GPC5: variants seen among roughly 807,000 people sequenced by gnomAD.
The protein encoded by GPC5 is glypican 5, also known as glypican-5.
In GPC5, 47 loss-of-function variants were observed where a neutral mutation model predicts 53.9. The observed-to-expected ratio is 0.87, with a 90% confidence interval of 0.69 to 1.11. The LOEUF is 1.11. Ranked by LOEUF, GPC5 falls within the 50% of genes most tolerant of loss-of-function variation. The pLI is 0.00. For missense variants in GPC5, 748 were observed against 713.1 expected (o/e 1.05, Z -0.56); for synonymous variants, 286 against 263.3 (o/e 1.09, Z -0.84).
At chr13:91,440,383 A>G (rs1368872485) in intron 1 of GPC5, among the ~76,000 whole-genome samples, 1 of 152,080 alleles carries the variant, frequency 6.6e-6, no homozygotes, top group Non-Finnish European at 1.5e-5. Flanking sequence ...TGTCAACTCT[A>G]CTCAGCTTTC....
intron 5 of GPC5, among the ~76,000 whole-genome samples, chr13:91,805,222 C>A (rs1339862947): frequency 2.6e-5 from 4 of 152,102 alleles, no homozygotes; most frequent in Non-Finnish European, 5.9e-5. Context: ...CAAGTTCCAC[C>A]CTCTACCCCT....
intron 2 of GPC5, among the ~76,000 whole-genome samples, chr13:91,450,797 C>A (rs1741595466): frequency 6.6e-6 from 1 of 151,984 alleles, no homozygotes; most frequent in Admixed American, 6.6e-5. Context: ...ATTATAATTT[C>A]TTCCTTAGTA....
chr13:91,399,411 GC>G (rs1490687097), intron 1 of GPC5, among the ~76,000 whole-genome samples: 1 of 152,178 alleles, frequency 6.6e-6, no homozygotes, highest in Non-Finnish European at 1.5e-5. Context: ...CCCTAACCAA[GC>G]CTGCGACGAA....
At chr13:91,432,217 G>C (rs1328767928) in intron 1 of GPC5, among the ~76,000 whole-genome samples, 31 of 143,498 alleles carry the variant, frequency 2.2e-4, no homozygotes, top group South Asian at 4.6e-4. Flanking sequence ...GTGTGTGTGT[G>C]TGTGTGTGTG....
At chr13:91,921,681 C>T (rs1182322758) in intron 6 of GPC5, among the ~76,000 whole-genome samples, 1 of 151,592 alleles carries the variant, frequency 6.6e-6, no homozygotes, top group Admixed American at 6.6e-5. Context: ...TGGGGTGGCT[C>T]ATGTCTATAA....
At position 92,360,673 on chromosome 13, in the gene GPC5, A is replaced by G. The variant is rs80209168; in HGVS notation, c.1561+215684A>G. The stretch of plus-strand genomic sequence containing the variant: ...AAAAAAATGGCATCCAAGAAGGAAG[A>G]GAGAAAGTCAAACCATCCTTGTTTG... On this transcript the variant is annotated intron_variant, in intron 7 of 7. Coordinates refer to ENST00000377067, the MANE Select transcript of GPC5 (RefSeq NM_004466.6). Among the ~76,000 whole-genome samples, 53 of 151,836 alleles carry G rather than the reference A, an allele frequency of 3.5e-4. 2 individuals are homozygous for G. Among genetic ancestry groups the G allele is most frequent in the African/African-American group, 1.3e-3 (53 of 41,128 alleles).
intron 7 of GPC5, among the ~76,000 whole-genome samples, chr13:92,668,356 C>T (rs1166567493): frequency 3.9e-5 from 6 of 152,072 alleles, no homozygotes; most frequent in Non-Finnish European, 8.8e-5. Context: ...TTCATTATCA[C>T]AATTTTGGAG....
intron 7 of GPC5, among the ~76,000 whole-genome samples, chr13:92,150,131 A>G (rs2041896708): frequency 6.6e-6 from 1 of 152,018 alleles, no homozygotes; most frequent in Non-Finnish European, 1.5e-5. Flanking sequence ...CTTATCATTT[A>G]TCCATTCATA....
chr13:92,293,734 A>T lies in GPC5; in HGVS notation c.1561+148745A>T, dbSNP rs141165946. On this transcript the variant is annotated intron_variant, in intron 7 of 7. Coordinates refer to ENST00000377067, the MANE Select transcript of GPC5 (RefSeq NM_004466.6). ...TAGGACTTCCAGTACTATGTTGAAG[A>T]GGAGTGGTGAGAGTGGGCATCCTTG... is the stretch of plus-strand genomic sequence containing the variant. Among the ~76,000 whole-genome samples, 24 of 152,184 alleles carry T rather than the reference A, an allele frequency of 1.6e-4. No individual in the cohort carries two copies. The East Asian group carries it at 3.9e-3, about 25-fold the overall frequency.
intron 6 of GPC5, among the ~76,000 whole-genome samples, chr13:91,979,164 T>C (rs1451384678): frequency 6.6e-6 from 1 of 152,022 alleles, no homozygotes; most frequent in Non-Finnish European, 1.5e-5. Flanking sequence ...TTGGATATTA[T>C]CTTAATTCAA....
chr13:92,297,505 C>A (rs1337293438), intron 7 of GPC5, among the ~76,000 whole-genome samples: 1 of 150,772 alleles, frequency 6.6e-6, no homozygotes, highest in Non-Finnish European at 1.5e-5. Flanking sequence ...TGTAAACACA[C>A]CAATCAGCAC....
intron 7 of GPC5, among the ~76,000 whole-genome samples, chr13:92,805,140 C>T (rs1487567280): frequency 1.3e-5 from 2 of 152,014 alleles, no homozygotes; most frequent in African/African-American, 4.8e-5. Flanking sequence ...GACATTTTGA[C>T]CTTTATCCAT....
rs376112005 is a variant in GPC5 at position 92,757,977 on chromosome 13, C to A, written c.1562-108305C>A. Among the ~76,000 whole-genome samples, 494 of 150,260 alleles carry A rather than the reference C, an allele frequency of 3.3e-3. 2 individuals are homozygous for A. Among genetic ancestry groups the A allele is most frequent in the African/African-American group, 0.012 (477 of 40,042 alleles). On this transcript the variant is annotated intron_variant, in intron 7 of 7. Transcript: ENST00000377067. The stretch of plus-strand genomic sequence containing the variant: ...TACCATTTGACCCAGCCATGCCATT[C>A]CTGGGTATATACCCAAAGGACTATA...
intron 7 of GPC5, among the ~76,000 whole-genome samples, chr13:92,271,636 C>T (rs1249275961): frequency 6.6e-6 from 1 of 152,062 alleles, no homozygotes; most frequent in Non-Finnish European, 1.5e-5. Flanking sequence ...GGATGTAAGG[C>T]ATAATGATAT....
intron 2 of GPC5, among the ~76,000 whole-genome samples, chr13:91,642,847 G>C (rs1594370677): frequency 6.7e-6 from 1 of 149,484 alleles, no homozygotes; most frequent in East Asian, 1.9e-4. Flanking sequence ...TTGGGGATGT[G>C]GGAGGTGATC....
intron 7 of GPC5, among the ~76,000 whole-genome samples, chr13:92,490,419 C>G (rs192235801): frequency 8.9e-4 from 136 of 151,956 alleles, no homozygotes; most frequent in Middle Eastern, 6.8e-3. Flanking sequence ...TGTATAAAAC[C>G]TCATCAAAAA....
chr13:92,221,772 T>C (rs1419115397), intron 7 of GPC5, among the ~76,000 whole-genome samples: 3 of 152,162 alleles, frequency 2.0e-5, no homozygotes, highest in Non-Finnish European at 2.9e-5. Flanking sequence ...AAAGAATCAC[T>C]AGAATCCAGC....
intron 2 of GPC5, among the ~76,000 whole-genome samples, chr13:91,519,768 T>A (rs866270767): frequency 6.6e-6 from 1 of 152,190 alleles, no homozygotes; most frequent in Non-Finnish European, 1.5e-5. Flanking sequence ...GATTTGTATA[T>A]TGGGCAGGTT....
chr13:91,835,087 A>G (rs1719376164), intron 5 of GPC5, among the ~76,000 whole-genome samples: 1 of 152,206 alleles, frequency 6.6e-6, no homozygotes, highest in Non-Finnish European at 1.5e-5. Context: ...AAGGATATGA[A>G]CAGACACTTC....
Sources: gnomAD v4.1 joint callset for allele counts (sites outside exome capture counted in the v4.1 genomes callset) on GRCh38, gnomAD v4.1.1 for gene constraint, MANE v1.5 for transcripts, NCBI Gene and HGNC (gene_info 2026-07-23, HGNC 2026-07-21) for gene names.